The following STAU2 variants were observed in gnomAD, a reference collection of about 807,000 sequenced individuals.
STAU2 encodes staufen double-stranded RNA binding protein 2.
Under a neutral mutation model 65.9 loss-of-function variants are expected in STAU2, and 20 were observed. The ratio of observed to expected loss-of-function variants is 0.30; its 90% confidence interval spans 0.21 to 0.44. STAU2 has a LOEUF of 0.44. Ranked by LOEUF, STAU2 falls within the 20% of genes least tolerant of loss-of-function variation. The probability of loss-of-function intolerance (pLI) is 1.00; values close to 1 mark genes in which losing one functional copy is unlikely to be tolerated. For missense variants in STAU2, 558 were observed against 683.9 expected (o/e 0.82, Z 2.05); for synonymous variants, 232 against 233.9 (o/e 0.99, Z 0.07).
chr8:73,493,040 A>T (rs897381469), intron 13 of STAU2, among the ~76,000 whole-genome samples: 7 of 151,930 alleles, frequency 4.6e-5, no homozygotes, highest in African/African-American at 1.7e-4. Flanking sequence ...TTTCAAAAAA[A>T]TGCCAAGGAA....
At chr8:73,527,068 AT>A (rs2128931185) in intron 13 of STAU2, among the ~76,000 whole-genome samples, 2 of 152,326 alleles carry the variant, frequency 1.3e-5, no homozygotes, top group South Asian at 4.1e-4. Flanking sequence ...TACATTTTCT[AT>A]GTTTAAATAT....
chr8:73,615,740 T>C lies in STAU2; in HGVS notation c.613A>G (p.Asn205Asp). The change falls in exon 8 of 15, where the codon AAT (asparagine) becomes GAT (aspartate). Residue 205 changes from asparagine (N) to aspartate (D), a missense_variant. Around this residue, in one of 3 missense-constraint regions of STAU2, gnomAD observed 199 missense variants for 299.5 expected, o/e 0.66. Coordinates refer to ENST00000524300, the MANE Select transcript of STAU2 (RefSeq NM_001164380.2). ...GKDVDDDKDANKSEISLVFEI... is the reference protein window; with the variant it reads ...GKDVDDDKDADKSEISLVFEI... ...AACACTAAGCTGATCTCAGACTTATTTGCATCTTTGTCATCATCCACATCC... is the reference window on the plus strand; with the variant it reads ...AACACTAAGCTGATCTCAGACTTATCTGCATCTTTGTCATCATCCACATCC... The C allele has an allele frequency of 1.2e-6, 2 of 1,613,800 alleles. No individual in the cohort carries two copies. Among genetic ancestry groups the C allele is most frequent in the South Asian group, 1.1e-5 (1 of 91,074 alleles).
chr8:73,517,619 T>C lies in STAU2; in HGVS notation c.1530+34393A>G, dbSNP rs114148502. 6.0e-3 allele frequency among the ~76,000 whole-genome samples: 909 copies of C among 152,226 alleles called. 7 individuals are homozygous for C. Among genetic ancestry groups the C allele is most frequent in the African/African-American group, 0.02 (840 of 41,530 alleles). ...AACACCAAGCTACAGATAACTGAGG[T>C]ACAGATTAAATAACCACATTTTTAG... is the stretch of plus-strand genomic sequence containing the variant. On this transcript the variant is annotated intron_variant, in intron 13 of 14. Coordinates refer to ENST00000524300, the MANE Select transcript of STAU2 (RefSeq NM_001164380.2).
At chr8:73,501,395 GTATT>G (rs765213374) in intron 13 of STAU2, among the ~76,000 whole-genome samples, 9 of 151,898 alleles carry the variant, frequency 5.9e-5, no homozygotes, top group Middle Eastern at 3.4e-3. Context: ...TTAGAATTGT[GTATT>G]TATATTTGAC....
At chr8:73,530,794 C>G (rs1055166012) in intron 13 of STAU2, among the ~76,000 whole-genome samples, 1 of 152,102 alleles carries the variant, frequency 6.6e-6, no homozygotes, top group Non-Finnish European at 1.5e-5. Flanking sequence ...GGCCTTTGAA[C>G]AGCATGAGAG....
At chr8:73,552,976 G>A (rs1471856098) in intron 12 of STAU2, among the ~76,000 whole-genome samples, 1 of 152,208 alleles carries the variant, frequency 6.6e-6, no homozygotes, top group East Asian at 1.9e-4. Context: ...TCATAAGCAA[G>A]TAGTTATCGT....
intron 13 of STAU2, among the ~76,000 whole-genome samples, chr8:73,482,658 A>C (rs1468405878): frequency 5.9e-5 from 9 of 152,160 alleles, no homozygotes; most frequent in Admixed American, 4.6e-4. Flanking sequence ...TATTTGGGTT[A>C]CAAGCTATAT....
chr8:73,731,479 C>T (rs1469493399), intron 3 of STAU2, among the ~76,000 whole-genome samples: 2 of 152,162 alleles, frequency 1.3e-5, no homozygotes, highest in African/African-American at 4.8e-5. Context: ...AATTGAAGGG[C>T]TTTACCTTCA....
chr8:73,571,514 A>G (rs1053144164), intron 12 of STAU2, among the ~76,000 whole-genome samples: 14 of 152,230 alleles, frequency 9.2e-5, no homozygotes, highest in Non-Finnish European at 1.6e-4. Flanking sequence ...ACTCCTCAGC[A>G]AATGTAAAAG....
chr8:73,711,131 C>CAAAAAAAA (rs751087630), intron 3 of STAU2, among the ~76,000 whole-genome samples: 1 of 31,104 alleles, frequency 3.2e-5, no homozygotes, highest in Non-Finnish European at 7.2e-5. Context: ...AAGTGGCTTG[C>CAAAAAAAA]AAAAAAAAAA....
In STAU2 at chr8:73,593,283, T is replaced by C. The variant is rs189607674; in HGVS notation, c.1161+1883A>G. Among the ~76,000 whole-genome samples, 20 of 152,310 alleles carry C rather than the reference T, an allele frequency of 1.3e-4. 1 individual carries two copies. In the East Asian group the frequency reaches 2.9e-3, roughly 22 times the overall value. ...TTTTGAAGAATGCAAACCAGATCAA[T>C]TCACATTCATGTTCAAATCTTAAAT... On this transcript the variant is annotated intron_variant, in intron 11 of 14. Coordinates refer to ENST00000524300, the MANE Select transcript of STAU2 (RefSeq NM_001164380.2).
chr8:73,612,858 T>C (rs1378121792), intron 9 of STAU2, among the ~76,000 whole-genome samples: 2 of 152,210 alleles, frequency 1.3e-5, no homozygotes, highest in Non-Finnish European at 2.9e-5. Context: ...GCAACTAAAA[T>C]GCTGGCAATT....
chr8:73,483,330 G>T (rs1820740037), intron 13 of STAU2, among the ~76,000 whole-genome samples: 1 of 152,098 alleles, frequency 6.6e-6, no homozygotes. Flanking sequence ...AGGCAGTCGT[G>T]AGCAATCATT....
intron 12 of STAU2, among the ~76,000 whole-genome samples, chr8:73,582,515 A>T (rs1321667698): frequency 6.6e-6 from 1 of 151,784 alleles, no homozygotes; most frequent in Non-Finnish European, 1.5e-5. Flanking sequence ...TGGCAACTTT[A>T]AAAAAGCATG....
At chr8:73,481,044 A>G (rs1319542921) in intron 13 of STAU2, among the ~76,000 whole-genome samples, 2 of 152,096 alleles carry the variant, frequency 1.3e-5, no homozygotes, top group Admixed American at 6.6e-5. Context: ...TTTCAAACTC[A>G]CACATACTAC....
At chr8:73,690,702 C>G (rs756169528) in intron 4 of STAU2, among the ~76,000 whole-genome samples, 1 of 152,116 alleles carries the variant, frequency 6.6e-6, no homozygotes, top group Non-Finnish European at 1.5e-5. Flanking sequence ...ATCGGTGAAT[C>G]TAAACCATAC....
chr8:73,571,430 T>C (rs1439104982), intron 12 of STAU2, among the ~76,000 whole-genome samples: 1 of 152,194 alleles, frequency 6.6e-6, no homozygotes, highest in Non-Finnish European at 1.5e-5. Context: ...CCACCCCAAA[T>C]CAACAGAATA....
At chr8:73,680,135 T>A in intron 5 of STAU2, among the ~76,000 whole-genome samples, 1 of 46,946 alleles carries the variant, frequency 2.1e-5, no homozygotes, top group East Asian at 8.0e-4. Context: ...AGAATCTGGG[T>A]GGGGGGTGGG....
At chr8:73,726,597 T>G (rs1805650983) in intron 3 of STAU2, among the ~76,000 whole-genome samples, 1 of 152,204 alleles carries the variant, frequency 6.6e-6, no homozygotes, top group South Asian at 2.1e-4. Context: ...TAGTCACTAT[T>G]GTTATCTATT....
Sources: allele counts gnomAD v4.1 joint callset (sites outside exome capture counted in the v4.1 genomes callset), GRCh38; gene constraint gnomAD v4.1.1; regional missense constraint gnomAD v4.1.1; transcripts MANE v1.5; gene names NCBI Gene and HGNC (gene_info 2026-07-23, HGNC 2026-07-21).